SYCE1L: variants seen among roughly 807,000 people sequenced by gnomAD.
SYCE1L encodes synaptonemal complex central element protein 1 like.
Under a neutral mutation model 39.6 loss-of-function variants are expected in SYCE1L, and 51 were observed. The observed-to-expected ratio is 1.29, with a 90% CI of 1.03 to 1.63. SYCE1L has a LOEUF of 1.63. Ranked by LOEUF, SYCE1L falls within the 40% of genes most tolerant of loss-of-function variation. The pLI, the probability that SYCE1L is intolerant of heterozygous loss-of-function variation, is 0.00. For missense variants in SYCE1L, 426 were observed against 304.9 expected (o/e 1.40, Z -2.96); for synonymous variants, 147 against 122.4 (o/e 1.20, Z -1.33).
chr16:77,202,973 T>A (rs778261404), intron 1 of SYCE1L, among the ~76,000 whole-genome samples: 55 of 127,418 alleles, frequency 4.3e-4, no homozygotes, highest in Non-Finnish European at 5.9e-4. Context: ...CTTTACTTTT[T>A]TGTCTTATTT....
chr16:77,199,585 C>T, intron 1 of SYCE1L, 73 bp downstream of exon 1: 5 of 1,159,672 alleles, frequency 4.3e-6, no homozygotes, highest in Non-Finnish European at 6.1e-6. Context: ...CGTCCCATTA[C>T]AATAATGAAA....
intron 8 of SYCE1L, 38 bp from the exon 9 acceptor site, chr16:77,212,244 G>A (rs2054828473): frequency 2.0e-6 from 3 of 1,537,450 alleles, no homozygotes; most frequent in East Asian, 2.5e-5. Context: ...GGATGTGCCC[G>A]GGCCTCGGCC....
chr16:77,199,730 G>C (rs2054710084), intron 1 of SYCE1L: 1 of 507,276 alleles, frequency 2.0e-6, no homozygotes, highest in Admixed American at 3.5e-5. Flanking sequence ...TTTGTCAACT[G>C]TAGTGTATAC....
chr16:77,209,538 G>A lies in SYCE1L; in HGVS notation c.359+67G>A, dbSNP rs1018342245. 3.0e-5 allele frequency: 45 copies of A among 1,521,316 alleles called. 2 individuals carry two copies. The Admixed American group carries it at 8.3e-4, about 28-fold the overall frequency. The allele number at this position is 1,521,316 out of a possible 1,614,324, so 94.2% of individuals were successfully genotyped here. ...GCTGAAAAAGGAGGGAGCAAGAGCT[G>A]TGGAAATGAATCTTGGACACAGAAG... On this transcript the variant is annotated intron_variant, in intron 6 of 10. Transcript: ENST00000378644.
chr16:77,205,044 CAA>C (rs1451754899), intron 1 of SYCE1L, among the ~76,000 whole-genome samples: 2 of 123,266 alleles, frequency 1.6e-5, no homozygotes, highest in Admixed American at 8.2e-5. Flanking sequence ...GACTCCATCT[CAA>C]AAAAAAAAAA....
chr16:77,211,051 T>C (rs1489456176), intron 6 of SYCE1L, among the ~76,000 whole-genome samples, 162 bp from the exon 7 acceptor site: 2 of 152,098 alleles, frequency 1.3e-5, no homozygotes, highest in East Asian at 1.9e-4. Context: ...GGAGAGTTTG[T>C]TGGAAGAGGT....
In SYCE1L at chr16:77,210,141, A is replaced by G. The variant is rs78688141; in HGVS notation, c.359+670A>G. Among the ~76,000 whole-genome samples, 139 of 152,284 alleles carry G rather than the reference A, an allele frequency of 9.1e-4. 2 individuals carry two copies. In the East Asian group the frequency reaches 0.026, roughly 28 times the overall value. ...CCAGTCAACTGTCTATCCAACCTGT[A>G]TCCATCCATCTCTTCATCCTCCCGA... On this transcript the variant is annotated intron_variant, in intron 6 of 10. Coordinates refer to ENST00000378644, the MANE Select transcript of SYCE1L (RefSeq NM_001129979.3).
chr16:77,200,381 G>A (rs2054725888), intron 1 of SYCE1L: 1 of 151,010 alleles, frequency 6.6e-6, no homozygotes, highest in Non-Finnish European at 1.5e-5. Flanking sequence ...GAACCCGAGA[G>A]GCGGAGGTTG....
intron 7 of SYCE1L, among the ~76,000 whole-genome samples, chr16:77,211,858 T>A (rs898332338): frequency 5.3e-5 from 8 of 151,630 alleles, no homozygotes; most frequent in Admixed American, 5.2e-4. Context: ...GGACGGTGCC[T>A]GAAACCGTTG....
In SYCE1L at chr16:77,212,550, G is replaced by T. The variant is rs1038691176; in HGVS notation, c.582-24G>T. 9.8e-6 allele frequency: 15 copies of T among 1,536,996 alleles called. No individual in the cohort carries two copies. In the African/African-American group the frequency reaches 1.9e-4, roughly 20 times the overall value. On this transcript the variant is annotated intron_variant, in intron 9 of 10. Coordinates refer to ENST00000378644, the MANE Select transcript of SYCE1L (RefSeq NM_001129979.3). ...CCTGGACTCTCGCTCTCTTCCTCCTGTCTCCTCGGCCCCTTCTCCGCAGGC... is the reference window on the plus strand; with the variant it reads ...CCTGGACTCTCGCTCTCTTCCTCCTTTCTCCTCGGCCCCTTCTCCGCAGGC...
intron 1 of SYCE1L, chr16:77,199,911 C>T (rs2054712682): frequency 6.3e-6 from 1 of 159,536 alleles, no homozygotes; most frequent in Non-Finnish European, 1.4e-5. Context: ...GACTCTTAAA[C>T]CTCCTAATCG....
chr16:77,209,343 T>G, intron 5 of SYCE1L, 74 bp from the exon 6 acceptor site: 1 of 1,478,822 alleles, frequency 6.8e-7, no homozygotes, highest in Non-Finnish European at 9.2e-7. Context: ...TGACATGATG[T>G]GGGGCCTATT....
intron 1 of SYCE1L, chr16:77,200,953 C>T (rs923557196): frequency 6.6e-6 from 1 of 152,170 alleles, no homozygotes; most frequent in African/African-American, 2.4e-5. Flanking sequence ...ATCTCGAACA[C>T]CCCTTTCTGC....
intron 7 of SYCE1L, 145 bp from the exon 8 acceptor site, chr16:77,211,985 G>A: frequency 1.0e-6 from 1 of 955,706 alleles, no homozygotes; most frequent in Non-Finnish European, 1.5e-6. Flanking sequence ...AGCCACAGCA[G>A]GAACTGCACA....
rs1184913041 is a variant in SYCE1L, at chr16:77,212,843, C to G, written c.655-14C>G. On this transcript the variant is annotated splice_polypyrimidine_tract_variant and intron_variant, in intron 10 of 10. Coordinates refer to ENST00000378644, the MANE Select transcript of SYCE1L (RefSeq NM_001129979.3). Reference sequence around the variant, plus strand: ...GTAGGAACCTGGTCCGCAGCCTCACCCAGCCCCCGGCAGGCCGGACCTGAG... The same window carrying G: ...GTAGGAACCTGGTCCGCAGCCTCACGCAGCCCCCGGCAGGCCGGACCTGAG... 1 of 1,478,408 alleles carries G rather than the reference C, an allele frequency of 6.8e-7. No homozygotes were observed. The highest frequency in any genetic ancestry group is 1.4e-5 in the African/African-American group (1 of 70,056). 91.6% of individuals were successfully genotyped at this position (1,478,408 alleles called of 1,614,324 possible). A position where few individuals can be genotyped will look rare whatever the true frequency, so the allele number is the denominator to read the frequency against.
intron 2 of SYCE1L, 127 bp downstream of exon 2, chr16:77,206,627 GT>G: frequency 1.1e-6 from 1 of 894,634 alleles, no homozygotes; most frequent in Non-Finnish European, 1.7e-6. Context: ...CTCTTATACA[GT>G]TTAATTCTTT....
chr16:77,199,468 A>G lies in SYCE1L; in HGVS notation c.17A>G (p.Lys6Arg). 1.9e-6 allele frequency: 3 copies of G among 1,551,532 alleles called. No homozygotes were observed. The highest frequency in any genetic ancestry group is 1.7e-6 in the Non-Finnish European group (2 of 1,146,974). ...CGTTGGAAAATGGCGGGGAAGCTGA[A>G]ACCTCTGAATGTGGAGGCGCCAGAA... MAGKLKPLNVEAPEAT... is the reference protein window; with the variant it reads MAGKLRPLNVEAPEAT... Residue 6 changes from lysine (K) to arginine (R), a missense_variant, in exon 1 of 11, where the codon AAA becomes AGA. Lys to Arg is a conservative substitution (Grantham distance 26). Transcript: ENST00000378644.
Position 77,212,883 on chromosome 16 carries a change from C to G in SYCE1L, c.681C>G (p.Arg227=), listed in dbSNP as rs1183739899. 1.3e-6 allele frequency: 2 copies of G among 1,522,106 alleles called. No individual in the cohort carries two copies. The highest frequency in any genetic ancestry group is 1.8e-6 in the Non-Finnish European group (2 of 1,136,604). The allele number at this position is 1,522,106 out of a possible 1,614,324, so 94.3% of individuals were successfully genotyped here. Residue 227 remains arginine, a synonymous_variant, in exon 11 of 11, where the codon CGC becomes CGG. Transcript: ENST00000378644. ...CCGGACCTGAGCTCCCCCGCGCTCG[C>G]GACGAGGAGGATCCCGAGCCGCCGG... ...GEAGPELPRA[R]DEEDPEPPVA... is the part of the protein sequence containing the mutation.
At chr16:77,204,581 T>C (rs1288147813) in intron 1 of SYCE1L, among the ~76,000 whole-genome samples, 2 of 152,060 alleles carry the variant, frequency 1.3e-5, no homozygotes, top group Non-Finnish European at 2.9e-5. Context: ...CAAAATAAGG[T>C]AAACAGCTTA....
Sources: gnomAD v4.1 joint callset for allele counts (sites outside exome capture counted in the v4.1 genomes callset) on GRCh38, gnomAD v4.1.1 for gene constraint, MANE v1.5 for transcripts, NCBI Gene and HGNC (gene_info 2026-07-23, HGNC 2026-07-21) for gene names.